CYTIP: variants seen among roughly 807,000 people sequenced by gnomAD.
The protein encoded by CYTIP is cytohesin 1 interacting protein, also known as cytohesin-interacting protein.
CYTIP carries 26 observed loss-of-function variants against 43.8 expected under a neutral mutation model. The ratio of observed to expected loss-of-function variants is 0.59; its 90% CI spans 0.44 to 0.82. CYTIP has a LOEUF of 0.82. Among genes scored for constraint, CYTIP ranks in the 40% least tolerant of loss-of-function variants. CYTIP has a pLI of 0.00. For missense variants in CYTIP, 426 were observed against 443.1 expected, an observed-to-expected ratio of 0.96 and a Z score of 0.35; for synonymous variants, 162 against 162.9, an observed-to-expected ratio of 0.99 and a Z score of 0.04.
chr2:157,424,278 C>T (rs1685567802), intron 6 of CYTIP, among the ~76,000 whole-genome samples: 1 of 151,990 alleles, frequency 6.6e-6, no homozygotes, highest in African/African-American at 2.4e-5. Context: ...AGTCACAGCA[C>T]AGAAAAATTT....
intron 5 of CYTIP, 115 bp downstream of exon 5, chr2:157,430,444 T>C (rs933817317): frequency 2.4e-6 from 2 of 839,788 alleles, no homozygotes; most frequent in Non-Finnish European, 4.0e-6. Context: ...AAAGCTCCGG[T>C]GCACTGCCTC....
Position 157,444,016 on chromosome 2 carries a change from G to C in CYTIP, c.5C>G (p.Ser2Cys). The change falls in exon 1 of 8, where the codon TCT becomes TGT. Residue 2 changes from serine to cysteine, a missense_variant. By Grantham distance (112) the Ser-to-Cys change is moderately radical. Coordinates refer to ENST00000264192, the MANE Select transcript of CYTIP (RefSeq NM_004288.5). M[S>C]LQRLLQHSSN... The stretch of plus-strand genomic sequence containing the variant: ...GCTGTGTTGCAGGAGCCTTTGTAAA[G>C]ACATTGTGAATAAAGATCACTCCAG... The C allele has an allele frequency of 1.9e-6, 3 of 1,613,824 alleles. No individual in the cohort carries two copies. Among genetic ancestry groups the C allele is most frequent in the Non-Finnish European group, 2.5e-6 (3 of 1,179,852 alleles).
chr2:157,435,251 G>T (rs1031953989), intron 1 of CYTIP, among the ~76,000 whole-genome samples: 2 of 152,120 alleles, frequency 1.3e-5, no homozygotes, highest in South Asian at 4.1e-4. Flanking sequence ...TTTTGGAGAT[G>T]ATGATGAAAT....
intron 1 of CYTIP, among the ~76,000 whole-genome samples, chr2:157,442,843 A>G (rs1245618619): frequency 1.3e-5 from 2 of 152,198 alleles, no homozygotes; most frequent in Non-Finnish European, 2.9e-5. Context: ...CGAGAAGCAC[A>G]TGATTGTACA....
Position 157,443,775 on chromosome 2 carries a change from A to C in CYTIP, c.174+72T>G, listed in dbSNP as rs1225246612. The C allele has an allele frequency of 2.0e-6, 3 of 1,472,988 alleles. No homozygotes were observed. The East Asian group carries it at 6.9e-5, about 34-fold the overall frequency. The allele number at this position is 1,472,988 out of a possible 1,614,324, so 91.2% of individuals were successfully genotyped here. A position where few individuals can be genotyped will look rare whatever the true frequency, so the allele number is the denominator to read the frequency against. On this transcript the variant is annotated intron_variant, in intron 1 of 7. Coordinates refer to ENST00000264192, the MANE Select transcript of CYTIP (RefSeq NM_004288.5). Reference sequence around the variant, plus strand: ...CTCTAAAATATCACCATTAGTATGAAGTCAGACAAACATATCACTCTGCCC... The same window carrying C: ...CTCTAAAATATCACCATTAGTATGACGTCAGACAAACATATCACTCTGCCC...
At chr2:157,430,703 C>T (rs1573859065) in intron 4 of CYTIP, 51 bp from the exon 5 acceptor site, 3 of 1,549,520 alleles carry the variant, frequency 1.9e-6, no homozygotes. Context: ...TAAATAATCC[C>T]TCCTGACATG....
At chr2:157,416,234 G>T in intron 7 of CYTIP, 91 bp from the exon 8 acceptor site, 1 of 1,062,080 alleles carries the variant, frequency 9.4e-7, no homozygotes, top group Admixed American at 2.8e-5. Flanking sequence ...AATGACACGA[G>T]AAAGAGTAAG....
At chr2:157,432,595 A>G (rs1685729119) in intron 3 of CYTIP, among the ~76,000 whole-genome samples, 1 of 152,202 alleles carries the variant, frequency 6.6e-6, no homozygotes, top group Non-Finnish European at 1.5e-5. Context: ...TCAGGTGTGC[A>G]TGAGTCCAAA....
At chr2:157,435,976 T>C (rs1685803226) in intron 1 of CYTIP, among the ~76,000 whole-genome samples, 1 of 152,240 alleles carries the variant, frequency 6.6e-6, no homozygotes, top group Non-Finnish European at 1.5e-5. Context: ...GCCAGCATTT[T>C]CACAAATTTC....
intron 6 of CYTIP, among the ~76,000 whole-genome samples, chr2:157,421,201 G>T (rs1460788334): frequency 6.6e-6 from 1 of 152,180 alleles, no homozygotes; most frequent in Non-Finnish European, 1.5e-5. Flanking sequence ...CATTGGATGA[G>T]AACTAAAGCA....
rs761916415 is a variant in CYTIP at position 157,434,744 on chromosome 2, C to G, written c.178G>C (p.Ala60Pro). Reference sequence around the variant, plus strand: ...CTTAAAGAACTTGATCTGGTCAAAGCAAGCTGAAAAACACAAAAGACATAT... The same window carrying G: ...CTTAAAGAACTTGATCTGGTCAAAGGAAGCTGAAAAACACAAAAGACATAT... ...ATLPRGRKQL[A>P]LTRSSSLSDF... The change falls in exon 2 of 8, where the codon GCT (alanine) becomes CCT (proline). Residue 60 changes from alanine to proline, a missense_variant. Transcript: ENST00000264192. The G allele has an allele frequency of 6.2e-7, 1 of 1,610,050 alleles. No individual in the cohort carries two copies. The highest frequency in any genetic ancestry group is 8.5e-7 in the Non-Finnish European group (1 of 1,177,918).
intron 1 of CYTIP, among the ~76,000 whole-genome samples, chr2:157,441,728 T>C (rs1282547612): frequency 6.6e-6 from 1 of 152,144 alleles, no homozygotes; most frequent in Non-Finnish European, 1.5e-5. Flanking sequence ...TCACGCTATC[T>C]TCACTCTGGC....
At chr2:157,431,191 G>A (rs1050247982) in intron 3 of CYTIP, among the ~76,000 whole-genome samples, 1 of 152,200 alleles carries the variant, frequency 6.6e-6, no homozygotes, top group South Asian at 2.1e-4. Context: ...TGAAATGAGA[G>A]TGGCTCAAGA....
Position 157,430,971 on chromosome 2 carries a change from A to G in CYTIP, c.280-9T>C. 3 of 1,593,500 alleles carry G rather than the reference A, an allele frequency of 1.9e-6. No homozygotes were observed. The highest frequency in any genetic ancestry group is 2.6e-6 in the Non-Finnish European group (3 of 1,172,158). On this transcript the variant is annotated splice_polypyrimidine_tract_variant and intron_variant, in intron 3 of 7. Transcript: ENST00000264192. ...TTCTGGGGCCTGTAAGACTGTAAAA[A>G]TTAAGATGATATATAGTTACTATTT...
intron 5 of CYTIP, among the ~76,000 whole-genome samples, chr2:157,427,900 G>C (rs966006251): frequency 6.6e-6 from 1 of 152,150 alleles, no homozygotes; most frequent in Non-Finnish European, 1.5e-5. Flanking sequence ...GCTACTTCTT[G>C]AAAGAGGGAG....
chr2:157,440,646 T>G (rs1553473197), intron 1 of CYTIP, among the ~76,000 whole-genome samples: 1 of 152,092 alleles, frequency 6.6e-6, no homozygotes, highest in Non-Finnish European at 1.5e-5. Context: ...ACATTCCCTA[T>G]CTGAACTTAT....
rs1468602436 is a variant in CYTIP at position 157,426,554 on chromosome 2, G to A, written c.546+797C>T. ...ATTTCATGAAGAAAACTAACAAATG[G>A]CAGCTATTTCTAAATAAAGCCAAAG... On this transcript the variant is annotated intron_variant, in intron 6 of 7. Transcript: ENST00000264192. 2.6e-5 allele frequency among the ~76,000 whole-genome samples: 4 copies of A among 152,154 alleles called. No individual in the cohort carries two copies. The East Asian group carries it at 7.7e-4, about 29-fold the overall frequency.
At chr2:157,422,442 C>A (rs559721791) in intron 6 of CYTIP, among the ~76,000 whole-genome samples, 4 of 151,986 alleles carry the variant, frequency 2.6e-5, no homozygotes, top group African/African-American at 7.3e-5. Flanking sequence ...CCTAAGCGAG[C>A]GGATCACCTG....
rs1685704252 is a variant in CYTIP, at chr2:157,430,891, G to C, written c.351C>G (p.Asp117Glu). The C allele has an allele frequency of 1.9e-6, 3 of 1,613,688 alleles. No homozygotes were observed. In the African/African-American group the frequency reaches 4.0e-5, roughly 22 times the overall value. Residue 117 changes from aspartate (D) to glutamate (E), a missense_variant, in exon 4 of 8, where the codon GAC becomes GAG. Coordinates refer to ENST00000264192, the MANE Select transcript of CYTIP (RefSeq NM_004288.5). The part of the protein sequence containing the change: ...MFTLICKIQE[D>E]SPAHCAGLQA... ...GCAGGCCAGCACAGTGAGCTGGGCTGTCCTCCTGTATTTTGCATATCAAAG... is the reference window on the plus strand; with the variant it reads ...GCAGGCCAGCACAGTGAGCTGGGCTCTCCTCCTGTATTTTGCATATCAAAG...
Sources: gnomAD v4.1 joint callset for allele counts (sites outside exome capture counted in the v4.1 genomes callset) on GRCh38, gnomAD v4.1.1 for gene constraint, MANE v1.5 for transcripts, NCBI Gene and HGNC (gene_info 2026-07-23, HGNC 2026-07-21) for gene names.